RAB44: variants seen among roughly 807,000 people sequenced by gnomAD.
RAB44 encodes the protein ras-related protein Rab-44.
In RAB44, 67 loss-of-function variants were observed where a neutral mutation model predicts 93.3. That is an observed-to-expected ratio of 0.72 (90% CI 0.59 to 0.88). RAB44 has a LOEUF of 0.88. RAB44 is among the 40% of genes least tolerant of loss of function. The pLI, the probability that RAB44 is intolerant of heterozygous loss-of-function variation, is 0.00. For synonymous variants in RAB44, 427 were observed against 520.3 expected, an observed-to-expected ratio of 0.82 and a Z score of 2.44; for missense variants, 1,064 against 1,261.7, an observed-to-expected ratio of 0.84 and a Z score of 2.37.
chr6:36,726,422 T>A (rs1392925087), intron 10 of RAB44, among the ~76,000 whole-genome samples: 1 of 152,066 alleles, frequency 6.6e-6, no homozygotes, highest in Non-Finnish European at 1.5e-5. Context: ...TTTTTGTATT[T>A]TTAGTAGAGA....
intron 1 of RAB44, among the ~76,000 whole-genome samples, chr6:36,698,851 G>A (rs942809163): frequency 1.3e-5 from 2 of 152,122 alleles, no homozygotes; most frequent in South Asian, 2.1e-4. Context: ...TGAGGATGAT[G>A]GCCAAGGAGG....
At chr6:36,702,738 A>G (rs1457821769) in intron 1 of RAB44, among the ~76,000 whole-genome samples, 2 of 152,216 alleles carry the variant, frequency 1.3e-5, no homozygotes, top group African/African-American at 4.8e-5. Flanking sequence ...TATGGGCCCC[A>G]GACTTGTTCC....
At chr6:36,723,471 C>T (rs1763147875) in intron 9 of RAB44, among the ~76,000 whole-genome samples, 1 of 151,986 alleles carries the variant, frequency 6.6e-6, no homozygotes, top group African/African-American at 2.4e-5. Context: ...AAGAAATGGC[C>T]GAAAGCAGAG....
chr6:36,727,241 A>G (rs1400002897), intron 10 of RAB44, among the ~76,000 whole-genome samples: 1 of 152,222 alleles, frequency 6.6e-6, no homozygotes, highest in East Asian at 1.9e-4. Flanking sequence ...ATGGGTGTAT[A>G]TATGTGTGTG....
chr6:36,699,272 A>G (rs546155066), intron 1 of RAB44, among the ~76,000 whole-genome samples: 2 of 152,006 alleles, frequency 1.3e-5, no homozygotes, highest in Non-Finnish European at 2.9e-5. Flanking sequence ...TGGGCTGTGG[A>G]GGTGTAGCTT....
chr6:36,722,337 A>G lies in RAB44; in HGVS notation c.2203A>G (p.Thr735Ala). Residue 735 changes from threonine (T) to alanine (A), a missense_variant, in exon 9 of 14, where the codon ACT becomes GCT. Transcript: ENST00000612677. ...GGCTCAGGTGGAAGCAGAAGGCCCC[A>G]CTCCTGGAAAATCGGCACCTCCAAG... ...PQAQVEAEGPTPGKSAPPRGS... is the reference protein window; with the variant it reads ...PQAQVEAEGPAPGKSAPPRGS... 2 of 1,341,614 alleles carry G rather than the reference A, an allele frequency of 1.5e-6. No individual in the cohort carries two copies. Among genetic ancestry groups the G allele is most frequent in the Non-Finnish European group, 1.9e-6 (2 of 1,048,240 alleles). 83.1% of individuals were successfully genotyped at this position (1,341,614 alleles called of 1,614,324 possible).
chr6:36,727,210 G>A (rs1211390696), intron 10 of RAB44, among the ~76,000 whole-genome samples: 1 of 152,236 alleles, frequency 6.6e-6, no homozygotes, highest in East Asian at 1.9e-4. Flanking sequence ...GTATAAAATA[G>A]AGGGGGAAAG....
intron 1 of RAB44, among the ~76,000 whole-genome samples, chr6:36,703,620 G>A (rs1010473790): frequency 3.9e-5 from 6 of 152,074 alleles, no homozygotes; most frequent in African/African-American, 1.4e-4. Context: ...TGTCACGTGG[G>A]GCCCTAAGAG....
intron 7 of RAB44, 53 bp downstream of exon 7, chr6:36,718,641 A>G (rs948350789): frequency 1.4e-5 from 12 of 871,692 alleles, no homozygotes; most frequent in East Asian, 1.0e-4. Context: ...TTTAATATCT[A>G]TGAACCTCAG....
chr6:36,728,760 G>C lies in RAB44; in HGVS notation c.2857G>C (p.Glu953Gln), dbSNP rs894403308. 6.4e-7 allele frequency: 1 copy of C among 1,550,514 alleles called. No homozygotes were observed. Among genetic ancestry groups the C allele is most frequent in the Non-Finnish European group, 8.7e-7 (1 of 1,147,014 alleles). ...LLGNKMDCEE[E>Q]RQVSVEAGQQ... ...GGGAAACAAGATGGACTGTGAGGAGGAACGGCAAGTGTCCGTGGAAGCTGG... is the reference window on the plus strand; with the variant it reads ...GGGAAACAAGATGGACTGTGAGGAGCAACGGCAAGTGTCCGTGGAAGCTGG... The change falls in exon 12 of 14, where the codon GAA becomes CAA. Residue 953 changes from glutamate to glutamine, a missense_variant. Transcript: ENST00000612677.
chr6:36,730,787 C>T (rs1464116630), intron 13 of RAB44, 38 bp downstream of exon 13: 5 of 1,085,180 alleles, frequency 4.6e-6, no homozygotes, highest in African/African-American at 1.7e-5. Context: ...CCACCCCCCC[C>T]CTTGCAGAAT....
chr6:36,730,475 C>T (rs1005699391), intron 12 of RAB44, among the ~76,000 whole-genome samples, 198 bp from the exon 13 acceptor site: 10 of 152,172 alleles, frequency 6.6e-5, no homozygotes, highest in African/African-American at 1.7e-4. Context: ...CTTGGCCAGC[C>T]GGGGTGAAGG....
rs868843596 is a variant in RAB44, at chr6:36,720,471, C to T, written c.937C>T (p.Arg313Trp). ...RDLAGRLEEV[R>W]GQLQVTRGRL... ...CCTGGCTGGGCGGCTGGAGGAGGTG[C>T]GGGGGCAGCTGCAGGTGACCAGGGG... Residue 313 changes from arginine (R) to tryptophan (W), a missense_variant, in exon 8 of 14, where the codon CGG becomes TGG. Physicochemically the swap from Arg to Trp is moderately radical, Grantham distance 101. Transcript: ENST00000612677. 2.2e-5 allele frequency: 27 copies of T among 1,232,896 alleles called. No individual in the cohort carries two copies. The highest frequency in any genetic ancestry group is 4.1e-5 in the South Asian group (1 of 24,352). The allele number at this position is 1,232,896 out of a possible 1,614,324, so 76.4% of individuals were successfully genotyped here.
chr6:36,718,409 TG>T, intron 6 of RAB44, 83 bp from the exon 7 acceptor site: 1 of 672,372 alleles, frequency 1.5e-6, no homozygotes, highest in Non-Finnish European at 2.1e-6. Flanking sequence ...CCCCAGGTGG[TG>T]GAGGTGGAGT....
chr6:36,730,176 C>T (rs1215955893), intron 12 of RAB44, among the ~76,000 whole-genome samples: 1 of 152,104 alleles, frequency 6.6e-6, no homozygotes, highest in Non-Finnish European at 1.5e-5. Flanking sequence ...ATAGCAATTT[C>T]GTGTGGTTTA....
Position 36,727,200 on chromosome 6 carries a change from G to T in RAB44, c.2682-377G>T, listed in dbSNP as rs371172527. Among the ~76,000 whole-genome samples, 6 of 152,180 alleles carry T rather than the reference G, an allele frequency of 3.9e-5. 1 individual carries two copies. In the East Asian group the frequency reaches 5.8e-4, roughly 15 times the overall value. ...ATGATGAATGTTTTACACTGTATTT[G>T]TATAAAATAGAGGGGGAAAGATGTA... On this transcript the variant is annotated intron_variant, in intron 10 of 13. Coordinates refer to ENST00000612677, the MANE Select transcript of RAB44 (RefSeq NM_001257357.2).
chr6:36,724,656 C>CCAACCAACCAAT (rs529963068), intron 9 of RAB44, among the ~76,000 whole-genome samples: 2 of 140,102 alleles, frequency 1.4e-5, no homozygotes, highest in African/African-American at 5.5e-5. Context: ...AACCAATCAA[C>CCAACCAACCAAT]CAACCAACCA....
intron 2 of RAB44, among the ~76,000 whole-genome samples, chr6:36,709,195 C>T (rs1762722255): frequency 1.3e-5 from 2 of 152,272 alleles, no homozygotes; most frequent in South Asian, 4.1e-4. Flanking sequence ...AGGTGATCCA[C>T]CCGCCTCGGC....
chr6:36,724,879 C>T (rs1194605783), intron 9 of RAB44, among the ~76,000 whole-genome samples: 1 of 152,204 alleles, frequency 6.6e-6, no homozygotes, highest in Non-Finnish European at 1.5e-5. Flanking sequence ...CTAGTGTCAC[C>T]TTCCCTCCAT....
Sources: gnomAD v4.1 joint callset for allele counts (sites outside exome capture counted in the v4.1 genomes callset) on GRCh38, gnomAD v4.1.1 for gene constraint, MANE v1.5 for transcripts, NCBI Gene and HGNC (gene_info 2026-07-23, HGNC 2026-07-21) for gene names.